Variants in NCDN observed in about 807,000 individuals in gnomAD.
NCDN encodes norbin.
NCDN carries 9 observed loss-of-function variants against 60.7 expected under a neutral mutation model. That is an observed-to-expected ratio of 0.15 (90% CI 0.09 to 0.26). The LOEUF (loss-of-function observed/expected upper bound fraction) is 0.26. Among genes scored for constraint, NCDN ranks in the 10% least tolerant of loss-of-function variants. NCDN has a pLI of 1.00. For synonymous variants in NCDN, 409 were observed against 442.5 expected, an observed-to-expected ratio of 0.92 and a Z score of 0.95; for missense variants, 578 against 975.2, an observed-to-expected ratio of 0.59 and a Z score of 5.42.
chr1:35,559,064 C>G, intron 1 of NCDN, 43 bp from the exon 2 acceptor site: 1 of 1,357,764 alleles, frequency 7.4e-7, no homozygotes, highest in Non-Finnish European at 1.0e-6. Flanking sequence ...CCACCCCCGT[C>G]CCTCCTCTGC....
In NCDN at chr1:35,566,189, C is replaced by T. The variant is rs917127759; in HGVS notation, c.*526C>T. ...TAGGCCATTGATATCGCAGTTCTTC[C>T]TATCAGCTTCAGTGACCCAGGGTCT... On this transcript the variant is annotated 3_prime_UTR_variant, in exon 7 of 7. Coordinates refer to ENST00000373243, the MANE Select transcript of NCDN (RefSeq NM_014284.3). The surrounding 1 kb of genome is among the most constrained non-coding windows in gnomAD (Gnocchi z 5.3). 6.1e-6 allele frequency: 1 copy of T among 164,428 alleles called. No homozygotes were observed. Among genetic ancestry groups the T allele is most frequent in the African/African-American group, 2.4e-5 (1 of 41,566 alleles). The allele number at this position is 164,428 out of a possible 1,614,324, so 10.2% of individuals were successfully genotyped here.
In NCDN at chr1:35,560,964, C is replaced by G; in HGVS notation, c.813C>G (p.Ser271Arg). 1 of 1,612,214 alleles carries G rather than the reference C, an allele frequency of 6.2e-7. No homozygotes were observed. The highest frequency in any genetic ancestry group is 8.5e-7 in the Non-Finnish European group (1 of 1,178,586). ...CCGGGCTGGCACGCATCCTGGGAAG[C>G]AAGCTGAGCTCCTGGCAGCGCAACC... is the stretch of plus-strand genomic sequence containing the variant. ...LQAGLARILG[S>R]KLSSWQRNPA... is the part of the protein sequence containing the mutation. Residue 271 changes from serine (S) to arginine (R), a missense_variant, in exon 3 of 7, where the codon AGC becomes AGG. Ser to Arg is a moderately radical substitution (Grantham distance 110). Coordinates refer to ENST00000373243, the MANE Select transcript of NCDN (RefSeq NM_014284.3). The surrounding 1 kb of genome is among the most constrained non-coding windows in gnomAD (Gnocchi z 7.6).
rs1238684998 is a variant in NCDN, at chr1:35,565,618, C to G, written c.2145C>G (p.Ser715Arg). 1 of 1,561,352 alleles carries G rather than the reference C, an allele frequency of 6.4e-7. No individual in the cohort carries two copies. Residue 715 changes from serine to arginine, a missense_variant, in exon 7 of 7, where the codon AGC becomes AGG. This residue lies in a region of NCDN where 191 missense variants were observed against 372.1 expected (regional missense o/e 0.51). Transcript: ENST00000373243. The surrounding 1 kb of genome is among the most constrained non-coding windows in gnomAD (Gnocchi z 8.9). ...MRLQAGEETA[S>R]HYRMAALEQC... ...TGCAGGCGGGCGAGGAGACGGCCAG[C>G]CACTACCGCATGGCTGCCTTGGAGC...
At position 35,563,128 on chromosome 1, in the gene NCDN, G is replaced by A. The variant is rs1648757636; in HGVS notation, c.1386-74G>A. On this transcript the variant is annotated intron_variant, in intron 4 of 6. Transcript: ENST00000373243. The surrounding 1 kb of genome is among the most constrained non-coding windows in gnomAD (Gnocchi z 6.6). ...CCTACTTCCATTTCTCTTAGGCAAG[G>A]TGCCCTAAAAAGGGAATCTATGTGC... 7.5e-7 allele frequency: 1 copy of A among 1,337,428 alleles called. No individual in the cohort carries two copies. The highest frequency in any genetic ancestry group is 1.0e-6 in the Non-Finnish European group (1 of 984,302). The allele number at this position is 1,337,428 out of a possible 1,614,324, so 82.8% of individuals were successfully genotyped here.
At position 35,561,424 on chromosome 1, in the gene NCDN, A is replaced by C. The variant is rs539762693; in HGVS notation, c.1143+130A>C. 5.3e-6 allele frequency: 7 copies of C among 1,329,032 alleles called. No individual in the cohort carries two copies. The South Asian group carries it at 9.1e-5, about 17-fold the overall frequency. 82.3% of individuals were successfully genotyped at this position (1,329,032 alleles called of 1,614,324 possible). A position where few individuals can be genotyped will look rare whatever the true frequency, so the allele number is the denominator to read the frequency against. ...GTCCACACAAGCTGATACTGTAGCC[A>C]GCACTCCAGGGAGTAGTGTGCGGCC... is the stretch of plus-strand genomic sequence containing the variant. On this transcript the variant is annotated intron_variant, in intron 3 of 6. Coordinates refer to ENST00000373243, the MANE Select transcript of NCDN (RefSeq NM_014284.3). The surrounding 1 kb of genome is among the most constrained non-coding windows in gnomAD (Gnocchi z 4.9).
Position 35,558,958 on chromosome 1 carries a change from G to A in NCDN, c.34-149G>A. ...AGCCCCTTAAAGGGGCTTCTGGGGG[G>A]AGGTCAGTCCTGAGGAGTCCACCCC... On this transcript the variant is annotated intron_variant, in intron 1 of 6. Transcript: ENST00000373243. The surrounding 1 kb of genome is among the most constrained non-coding windows in gnomAD (Gnocchi z 6.3). 3 of 849,454 alleles carry A rather than the reference G, an allele frequency of 3.5e-6. No homozygotes were observed. Among genetic ancestry groups the A allele is most frequent in the Non-Finnish European group, 5.4e-6 (3 of 559,254 alleles). 52.6% of individuals were successfully genotyped at this position (849,454 alleles called of 1,614,324 possible).
chr1:35,559,022 C>A, intron 1 of NCDN, 85 bp from the exon 2 acceptor site: 1 of 933,464 alleles, frequency 1.1e-6, no homozygotes, highest in Non-Finnish European at 1.6e-6. Flanking sequence ...GCTAATCCCT[C>A]CCTCCCTCCA....
Position 35,562,280 on chromosome 1 carries a change from G to C in NCDN, c.1144-112G>C, listed in dbSNP as rs1223824799. On this transcript the variant is annotated intron_variant, in intron 3 of 6. Coordinates refer to ENST00000373243, the MANE Select transcript of NCDN (RefSeq NM_014284.3). The surrounding 1 kb of genome is among the most constrained non-coding windows in gnomAD (Gnocchi z 6.8). Reference sequence around the variant, plus strand: ...AAAGGTTGGGGCCTGCCTTTGAAAGGCTCACAGGCCAGAATTTCCTTCTAG... The same window carrying C: ...AAAGGTTGGGGCCTGCCTTTGAAAGCCTCACAGGCCAGAATTTCCTTCTAG... 2.7e-6 allele frequency: 4 copies of C among 1,471,676 alleles called. No individual in the cohort carries two copies. The highest frequency in any genetic ancestry group is 3.7e-6 in the Non-Finnish European group (4 of 1,083,924). The allele number at this position is 1,471,676 out of a possible 1,614,324, so 91.2% of individuals were successfully genotyped here.
rs1648533083 is a variant in NCDN at position 35,558,762 on chromosome 1, C to T, written c.34-345C>T. On this transcript the variant is annotated intron_variant, in intron 1 of 6. Coordinates refer to ENST00000373243, the MANE Select transcript of NCDN (RefSeq NM_014284.3). This position sits in a 1 kb window ranked among gnomAD's most constrained non-coding sequence, Gnocchi z 6.3. ...CCTGTGGAGGGAGATAAAACCCAGCCTCCGGTGCCAGGGGGACAGCTGAGC... is the reference window on the plus strand; with the variant it reads ...CCTGTGGAGGGAGATAAAACCCAGCTTCCGGTGCCAGGGGGACAGCTGAGC... 1 of 1,127,850 alleles carries T rather than the reference C, an allele frequency of 8.9e-7. No homozygotes were observed. 69.9% of individuals were successfully genotyped at this position (1,127,850 alleles called of 1,614,324 possible).
In NCDN at chr1:35,559,000, C is replaced by T. The variant is rs1648561667; in HGVS notation, c.34-107C>T. The T allele has an allele frequency of 8.0e-6, 9 of 1,126,160 alleles. No individual in the cohort carries two copies. In the East Asian group the frequency reaches 2.2e-4, roughly 27 times the overall value. The allele number at this position is 1,126,160 out of a possible 1,614,324, so 69.8% of individuals were successfully genotyped here. A position where few individuals can be genotyped will look rare whatever the true frequency, so the allele number is the denominator to read the frequency against. On this transcript the variant is annotated intron_variant, in intron 1 of 6. Coordinates refer to ENST00000373243, the MANE Select transcript of NCDN (RefSeq NM_014284.3). This position sits in a 1 kb window ranked among gnomAD's most constrained non-coding sequence, Gnocchi z 6.3. ...GTCCACCCCTCCAGATTCTCTCCTC[C>T]CCTCCCTCTGTGCTAATCCCTCCCT... is the stretch of plus-strand genomic sequence containing the variant.
At position 35,563,549 on chromosome 1, in the gene NCDN, G is replaced by A. The variant is rs1367558330; in HGVS notation, c.1610+123G>A. The A allele has an allele frequency of 8.6e-7, 1 of 1,162,868 alleles. No individual in the cohort carries two copies. Among genetic ancestry groups the A allele is most frequent in the Non-Finnish European group, 1.2e-6 (1 of 816,948 alleles). The allele number at this position is 1,162,868 out of a possible 1,614,324, so 72.0% of individuals were successfully genotyped here. On this transcript the variant is annotated intron_variant, in intron 5 of 6. Transcript: ENST00000373243. The surrounding 1 kb of genome is among the most constrained non-coding windows in gnomAD (Gnocchi z 6.6). ...CATGGATTTGTTAGTGGTAGCATGG[G>A]GGTCTCAGAGTAGACATAGCCAGCC...
In NCDN at chr1:35,558,504, G is replaced by T; in HGVS notation, c.33+281G>T. Reference sequence around the variant, plus strand: ...GAGGAGGCAAGGAGCCTGCGGGGGCGACTGAGAGCCCTGGCTGGAGGGGTG... The same window carrying T: ...GAGGAGGCAAGGAGCCTGCGGGGGCTACTGAGAGCCCTGGCTGGAGGGGTG... On this transcript the variant is annotated intron_variant, in intron 1 of 6. Coordinates refer to ENST00000373243, the MANE Select transcript of NCDN (RefSeq NM_014284.3). This position sits in a 1 kb window ranked among gnomAD's most constrained non-coding sequence, Gnocchi z 6.3. 1.4e-6 allele frequency: 2 copies of T among 1,379,922 alleles called. No individual in the cohort carries two copies. Among genetic ancestry groups the T allele is most frequent in the South Asian group, 1.7e-5 (1 of 60,102 alleles). The allele number at this position is 1,379,922 out of a possible 1,614,324, so 85.5% of individuals were successfully genotyped here.
At position 35,560,836 on chromosome 1, in the gene NCDN, T is replaced by C; in HGVS notation, c.685T>C (p.Phe229Leu). Residue 229 changes from phenylalanine to leucine, a missense_variant, in exon 3 of 7, where the codon TTC becomes CTC. Physicochemically the swap from Phe to Leu is conservative, Grantham distance 22. Around this residue, in one of 3 missense-constraint regions of NCDN, gnomAD observed 363 missense variants for 583.6 expected, o/e 0.62. Coordinates refer to ENST00000373243, the MANE Select transcript of NCDN (RefSeq NM_014284.3). The surrounding 1 kb of genome is among the most constrained non-coding windows in gnomAD (Gnocchi z 7.6). Reference protein sequence around the residue: ...LAVLRGLSEDFQKAEDASKFE... With the variant: ...LAVLRGLSEDLQKAEDASKFE... ...CGTGTTGCGGGGCCTCAGTGAGGAT[T>C]TCCAGAAAGCTGAGGATGCCAGCAA... 1 of 1,614,090 alleles carries C rather than the reference T, an allele frequency of 6.2e-7. No homozygotes were observed. The highest frequency in any genetic ancestry group is 8.5e-7 in the Non-Finnish European group (1 of 1,180,010).
At chr1:35,564,704 C>G (rs1268154717) in intron 6 of NCDN, among the ~76,000 whole-genome samples, 1 of 152,238 alleles carries the variant, frequency 6.6e-6, no homozygotes, top group Non-Finnish European at 1.5e-5. Context: ...GGCTCACCCT[C>G]AAATACCACC....
At position 35,561,147 on chromosome 1, in the gene NCDN, TGTG is replaced by T; in HGVS notation, c.1000_1002del (p.Val334del). On this transcript the variant is annotated inframe_deletion, in exon 3 of 7. Coordinates refer to ENST00000373243, the MANE Select transcript of NCDN (RefSeq NM_014284.3). The surrounding 1 kb of genome is among the most constrained non-coding windows in gnomAD (Gnocchi z 4.9). Reference sequence around the variant, plus strand: ...AGACGGGCACGGAGGTGAAAGAGGATGTGGTGACCGCCTGCTATGCCCTCATGG... The same window carrying T: ...AGACGGGCACGGAGGTGAAAGAGGATGTGACCGCCTGCTATGCCCTCATGG... 1 of 1,610,502 alleles carries T rather than the reference TGTG, an allele frequency of 6.2e-7. No homozygotes were observed. Among genetic ancestry groups the T allele is most frequent in the Non-Finnish European group, 8.5e-7 (1 of 1,178,450 alleles).
chr1:35,565,942 G>A lies in NCDN; in HGVS notation c.*279G>A, dbSNP rs2148540921. The A allele has an allele frequency of 4.6e-6, 2 of 434,118 alleles. No individual in the cohort carries two copies. The highest frequency in any genetic ancestry group is 8.4e-6 in the Non-Finnish European group (2 of 239,272). The allele number at this position is 434,118 out of a possible 1,614,324, so 26.9% of individuals were successfully genotyped here. ...AAGGTTGGAGCAGCCCCCAGGGAGGGGGGCACTAGGTGTCATTGTGCCCGA... is the reference window on the plus strand; with the variant it reads ...AAGGTTGGAGCAGCCCCCAGGGAGGAGGGCACTAGGTGTCATTGTGCCCGA... On this transcript the variant is annotated 3_prime_UTR_variant, in exon 7 of 7. Transcript: ENST00000373243. The surrounding 1 kb of genome is among the most constrained non-coding windows in gnomAD (Gnocchi z 8.9).
intron 2 of NCDN, among the ~76,000 whole-genome samples, chr1:35,559,702 G>A (rs761802375): frequency 1.2e-4 from 17 of 145,858 alleles, no homozygotes; most frequent in Non-Finnish European, 1.5e-4. Flanking sequence ...AGGAACCCAA[G>A]CTGGGGACAG....
In NCDN at chr1:35,562,417, C is replaced by T; in HGVS notation, c.1169C>T (p.Pro390Leu). 1 of 1,614,122 alleles carries T rather than the reference C, an allele frequency of 6.2e-7. No homozygotes were observed. Among genetic ancestry groups the T allele is most frequent in the Non-Finnish European group, 8.5e-7 (1 of 1,180,008 alleles). ...GTGGGGTCAGAGAAGCAGAAGGAGC[C>T]CTTTGTGTTTGCCTCGGTGCGGATC... ...LQVGSEKQKE[P>L]FVFASVRILG... Residue 390 changes from proline (P) to leucine (L), a missense_variant, in exon 4 of 7, where the codon CCC becomes CTC. Around this residue, in one of 3 missense-constraint regions of NCDN, gnomAD observed 363 missense variants for 583.6 expected, o/e 0.62. Coordinates refer to ENST00000373243, the MANE Select transcript of NCDN (RefSeq NM_014284.3). This position sits in a 1 kb window ranked among gnomAD's most constrained non-coding sequence, Gnocchi z 6.8.
Position 35,563,356 on chromosome 1 carries a change from G to A in NCDN, c.1540G>A (p.Val514Met), listed in dbSNP as rs571289950. ...CGACACCTCGGTGCTGCCTGACAGC[G>A]TGGAGATTGGCCTGCAGACCTGCTG... is the stretch of plus-strand genomic sequence containing the variant. Reference protein sequence around the residue: ...GHDTSVLPDSVEIGLQTCCHI... With the variant: ...GHDTSVLPDSMEIGLQTCCHI... The change falls in exon 5 of 7, where the codon GTG (valine) becomes ATG (methionine). Residue 514 changes from valine to methionine, a missense_variant. By Grantham distance (21) the Val-to-Met change is conservative (BLOSUM62 1). This residue lies in a region of NCDN where 191 missense variants were observed against 372.1 expected (regional missense o/e 0.51). Transcript: ENST00000373243. The surrounding 1 kb of genome is among the most constrained non-coding windows in gnomAD (Gnocchi z 6.6). 15 of 1,614,086 alleles carry A rather than the reference G, an allele frequency of 9.3e-6. No homozygotes were observed. Among genetic ancestry groups the A allele is most frequent in the African/African-American group, 4.0e-5 (3 of 74,930 alleles).
Sources: gnomAD v4.1 joint callset for allele counts (sites outside exome capture counted in the v4.1 genomes callset) on GRCh38, gnomAD v4.1.1 for gene constraint, gnomAD v4.1.1 regional missense constraint, Gnocchi (gnomAD v3.1) non-coding constraint, MANE v1.5 for transcripts, NCBI Gene and HGNC (gene_info 2026-07-23, HGNC 2026-07-21) for gene names.